The following DLC1 variants were observed in gnomAD, a reference collection of about 807,000 sequenced individuals.
DLC1 encodes DLC1 Rho GTPase activating protein.
In DLC1, 54 loss-of-function variants were observed where a neutral mutation model predicts 140.3. The ratio of observed to expected loss-of-function variants is 0.38; its 90% CI spans 0.31 to 0.48. DLC1 has a LOEUF of 0.48. Ranked by LOEUF, DLC1 falls within the 20% of genes least tolerant of loss-of-function variation. The pLI is 0.96. For missense variants in DLC1, 2,536 were observed against 1,907.0 expected (o/e 1.33, Z -6.14); for synonymous variants, 986 against 728.1 (o/e 1.35, Z -5.70).
At chr8:13,386,283 G>A (rs76067298) in intron 4 of DLC1, among the ~76,000 whole-genome samples, 3,512 of 151,760 alleles carry the variant, frequency 0.023, 74 homozygotes, top group South Asian at 0.086. Flanking sequence ...ATTTTTTCCC[G>A]TATTTCTTTT....
At chr8:13,469,644 T>C (rs1338357133) in intron 2 of DLC1, among the ~76,000 whole-genome samples, 1 of 152,200 alleles carries the variant, frequency 6.6e-6, no homozygotes, top group Non-Finnish European at 1.5e-5. Flanking sequence ...AAAAGTTTTA[T>C]TGAAATCTGT....
intron 5 of DLC1, among the ~76,000 whole-genome samples, chr8:13,227,283 G>A (rs374935131): frequency 1.3e-5 from 2 of 152,134 alleles, no homozygotes; most frequent in East Asian, 3.9e-4. Flanking sequence ...TCTCATTATT[G>A]CTACTTCTCT....
chr8:13,358,311 C>A (rs1835044942), intron 4 of DLC1, among the ~76,000 whole-genome samples: 1 of 152,182 alleles, frequency 6.6e-6, no homozygotes, highest in African/African-American at 2.4e-5. Flanking sequence ...CACGAAAGCA[C>A]TAAATTGGAT....
chr8:13,173,163 A>G (rs1229920497), intron 5 of DLC1, among the ~76,000 whole-genome samples: 7 of 152,078 alleles, frequency 4.6e-5, no homozygotes, highest in Admixed American at 2.0e-4. Context: ...TTTGAGCCCT[A>G]TTTTTAAAGT....
intron 4 of DLC1, among the ~76,000 whole-genome samples, chr8:13,392,694 T>G (rs1469239165): frequency 6.6e-6 from 1 of 152,158 alleles, no homozygotes; most frequent in Non-Finnish European, 1.5e-5. Context: ...AGTGTTACCT[T>G]TTAGAGTCAA....
At chr8:13,442,363 T>G (rs1585114749) in intron 2 of DLC1, among the ~76,000 whole-genome samples, 1 of 152,194 alleles carries the variant, frequency 6.6e-6, no homozygotes, top group East Asian at 1.9e-4. Context: ...TGGGATCTAA[T>G]TAAGCTAAGG....
chr8:13,470,994 A>G (rs1800179873), intron 2 of DLC1, among the ~76,000 whole-genome samples: 1 of 152,322 alleles, frequency 6.6e-6, no homozygotes, highest in Middle Eastern at 3.4e-3. Context: ...ACATGCTACA[A>G]CATGGATGAA....
At chr8:13,319,996 G>T (rs1191876964) in intron 4 of DLC1, among the ~76,000 whole-genome samples, 2 of 151,440 alleles carry the variant, frequency 1.3e-5, no homozygotes, top group Non-Finnish European at 2.9e-5. Context: ...CTAATTTTTT[G>T]CATTTTTAAT....
chr8:13,430,148 G>T (rs2117388148), intron 2 of DLC1, among the ~76,000 whole-genome samples: 1 of 152,236 alleles, frequency 6.6e-6, no homozygotes, highest in South Asian at 2.1e-4. Flanking sequence ...GAAAGCCAAG[G>T]TTCCTGCTTA....
In DLC1 at chr8:13,387,041, CTG is replaced by C. The variant is rs534004169; in HGVS notation, c.1314+6510_1314+6511del. Among the ~76,000 whole-genome samples, 84 of 152,106 alleles carry C rather than the reference CTG, an allele frequency of 5.5e-4. No individual in the cohort carries two copies. In the East Asian group the frequency reaches 0.014, roughly 26 times the overall value. ...TGTGTTTAAATGTTTTAATTAAAAA[CTG>C]TATTAATTCAAATTTTTTGATGTTT... is the stretch of plus-strand genomic sequence containing the variant. On this transcript the variant is annotated intron_variant, in intron 4 of 17. Transcript: ENST00000276297.
intron 5 of DLC1, among the ~76,000 whole-genome samples, chr8:13,241,998 G>T (rs551447600): frequency 1.3e-5 from 2 of 152,076 alleles, no homozygotes; most frequent in Non-Finnish European, 2.9e-5. Context: ...GAAAATGTGG[G>T]GATTATCCAT....
At chr8:13,432,145 C>A (rs116146193) in intron 2 of DLC1, among the ~76,000 whole-genome samples, 1,965 of 152,232 alleles carry the variant, frequency 0.013, 46 homozygotes, top group African/African-American at 0.045. Context: ...ATTTCAACAT[C>A]CTCACCAAAA....
chr8:13,216,698 A>T (rs1828215804), intron 5 of DLC1, among the ~76,000 whole-genome samples: 1 of 152,012 alleles, frequency 6.6e-6, no homozygotes, highest in African/African-American at 2.4e-5. Context: ...GACTATGTAC[A>T]GTTTGTGTCA....
At chr8:13,188,022 T>C (rs1443339270) in intron 5 of DLC1, among the ~76,000 whole-genome samples, 1 of 152,142 alleles carries the variant, frequency 6.6e-6, no homozygotes, top group Non-Finnish European at 1.5e-5. Flanking sequence ...TTTGGGAGTT[T>C]AGGTTGCTAT....
At chr8:13,367,558 G>GAC (rs1835544628) in intron 4 of DLC1, among the ~76,000 whole-genome samples, 1 of 152,114 alleles carries the variant, frequency 6.6e-6, no homozygotes, top group African/African-American at 2.4e-5. Context: ...AACAAAATAA[G>GAC]ACAAAGACGT....
intron 5 of DLC1, among the ~76,000 whole-genome samples, chr8:13,173,618 C>A (rs1334605753): frequency 6.6e-6 from 1 of 152,208 alleles, no homozygotes; most frequent in African/African-American, 2.4e-5. Flanking sequence ...AATCCGCCCA[C>A]CTTGGCCTTC....
intron 2 of DLC1, among the ~76,000 whole-genome samples, chr8:13,427,788 A>C (rs1277647573): frequency 6.6e-6 from 1 of 152,176 alleles, no homozygotes; most frequent in Non-Finnish European, 1.5e-5. Context: ...AAACCTTTAC[A>C]TTGCATGCTT....
At chr8:13,222,955 A>G (rs1454021660) in intron 5 of DLC1, among the ~76,000 whole-genome samples, 1 of 151,800 alleles carries the variant, frequency 6.6e-6, no homozygotes, top group East Asian at 1.9e-4. Context: ...GTCTTGGTAT[A>G]TTTCCCAGGC....
chr8:13,495,697 C>G (rs190392803), intron 2 of DLC1, among the ~76,000 whole-genome samples: 2 of 152,128 alleles, frequency 1.3e-5, no homozygotes, highest in East Asian at 1.9e-4. Flanking sequence ...GTGACTAAAC[C>G]CTGGTAGTCT....
Sources: allele counts gnomAD v4.1 joint callset (sites outside exome capture counted in the v4.1 genomes callset), GRCh38; gene constraint gnomAD v4.1.1; transcripts MANE v1.5; gene names NCBI Gene and HGNC (gene_info 2026-07-23, HGNC 2026-07-21).